Variants in PCLO observed in about 807,000 individuals in gnomAD.
The protein encoded by PCLO is protein piccolo.
In PCLO, 82 loss-of-function variants were observed where a neutral mutation model predicts 427.5. The observed-to-expected ratio is 0.19, with a 90% CI of 0.16 to 0.23. The LOEUF (loss-of-function observed/expected upper bound fraction) is 0.23. PCLO is among the 10% of genes least tolerant of loss of function. PCLO has a pLI of 1.00. For missense variants in PCLO, 6,239 were observed against 6,115.9 expected (o/e 1.02, Z -0.67); for synonymous variants, 2,357 against 2,155.4 (o/e 1.09, Z -2.59).
rs555153202 is a variant in PCLO at position 82,937,972 on chromosome 7, A to G, written c.11112+11504T>C. On this transcript the variant is annotated intron_variant, in intron 6 of 24. Transcript: ENST00000333891. ...TTTCCTAATGGGTATTTTGAGTTAC[A>G]GAGCCCAACCAACAAACTTATCTTC... Among the ~76,000 whole-genome samples, 3 of 152,016 alleles carry G rather than the reference A, an allele frequency of 2.0e-5. No individual in the cohort carries two copies. The East Asian group carries it at 5.8e-4, about 29-fold the overall frequency.
In PCLO at chr7:83,155,141, T is replaced by C. The variant is rs1319109779; in HGVS notation, c.1500A>G (p.Pro500=). 1 of 1,481,720 alleles carries C rather than the reference T, an allele frequency of 6.7e-7. No individual in the cohort carries two copies. The highest frequency in any genetic ancestry group is 2.0e-5 in the Admixed American group (1 of 50,236). 91.8% of individuals were successfully genotyped at this position (1,481,720 alleles called of 1,614,324 possible). ...PPQQPGSAKP[P]SQQPGSTKPP... The stretch of plus-strand genomic sequence containing the variant: ...GTTTTGTTGAGCCAGGCTGTTGAGA[T>C]GGGGGCTTTGCTGAGCCAGGCTGTT... The change falls in exon 2 of 25, where the codon CCA becomes CCG. Residue 500 remains proline (P), a synonymous_variant. Transcript: ENST00000333891.
chr7:83,145,926 C>T (rs1193487075), intron 2 of PCLO, among the ~76,000 whole-genome samples: 1 of 152,166 alleles, frequency 6.6e-6, no homozygotes, highest in Non-Finnish European at 1.5e-5. Flanking sequence ...TTTTCCAAAG[C>T]ACCATCTTAT....
chr7:82,975,894 T>A (rs1796006167), intron 3 of PCLO, among the ~76,000 whole-genome samples: 1 of 152,160 alleles, frequency 6.6e-6, no homozygotes, highest in Non-Finnish European at 1.5e-5. Context: ...AGGTACTAAA[T>A]TCTCCTTTGC....
rs1795535198 is a variant in PCLO at position 82,956,788 on chromosome 7, G to C, written c.4165C>G (p.Leu1389Val). The change falls in exon 5 of 25, where the codon CTC becomes GTC. Residue 1389 changes from leucine to valine, a missense_variant. Leu to Val is a conservative substitution (Grantham distance 32). This residue lies in a region of PCLO where 4,677 missense variants were observed against 4,468.4 expected (regional missense o/e 1.05). Coordinates refer to ENST00000333891, the MANE Select transcript of PCLO (RefSeq NM_033026.6). The part of the protein sequence containing the change: ...SLIPTDEKDI[L>V]KGLKKDSFSQ... ...AAAGAGTCCTTTTTGAGTCCCTTGA[G>C]AATATCCTTTTCATCAGTTGGAATA... 1 of 1,613,628 alleles carries C rather than the reference G, an allele frequency of 6.2e-7. No homozygotes were observed. Among genetic ancestry groups the C allele is most frequent in the Admixed American group, 1.7e-5 (1 of 59,976 alleles).
At chr7:83,060,690 C>T (rs959425885) in intron 3 of PCLO, among the ~76,000 whole-genome samples, 1 of 152,168 alleles carries the variant, frequency 6.6e-6, no homozygotes, top group Non-Finnish European at 1.5e-5. Flanking sequence ...ATAAAAGTCA[C>T]TGGTGGTGGT....
chr7:82,875,997 A>C (rs1793360181), intron 10 of PCLO, among the ~76,000 whole-genome samples: 1 of 152,074 alleles, frequency 6.6e-6, no homozygotes, highest in Non-Finnish European at 1.5e-5. Context: ...AATAAACTGT[A>C]AGATGATATT....
At chr7:82,823,534 G>A (rs996530094) in intron 19 of PCLO, among the ~76,000 whole-genome samples, 1 of 152,168 alleles carries the variant, frequency 6.6e-6, no homozygotes, top group African/African-American at 2.4e-5. Context: ...AGTTTATGAT[G>A]AGGATTAATG....
Position 82,801,598 on chromosome 7 carries a change from A to T in PCLO, c.14934-7T>A. On this transcript the variant is annotated splice_region_variant and splice_polypyrimidine_tract_variant and intron_variant, in intron 21 of 24. Transcript: ENST00000333891. The stretch of plus-strand genomic sequence containing the variant: ...ATTCTGTCCCATCTTCCCTCTGTTT[A>T]GAAATAAAATAAAATGATATATTCA... 6.5e-7 allele frequency: 1 copy of T among 1,540,328 alleles called. No homozygotes were observed. Among genetic ancestry groups the T allele is most frequent in the Non-Finnish European group, 9.0e-7 (1 of 1,114,134 alleles).
intron 16 of PCLO, 40 bp downstream of exon 16, chr7:82,835,627 A>G (rs371922143): frequency 1.5e-5 from 23 of 1,567,186 alleles, no homozygotes; most frequent in Non-Finnish European, 1.9e-5. Context: ...AATTCAAGAC[A>G]TAGCAGCAGA....
intron 6 of PCLO, among the ~76,000 whole-genome samples, chr7:82,933,612 G>A (rs934330473): frequency 1.9e-5 from 2 of 105,982 alleles, no homozygotes; most frequent in African/African-American, 3.5e-5. Flanking sequence ...ATGAAGAAAT[G>A]CTCCAGATAA....
At position 82,868,392 on chromosome 7, in the gene PCLO, C is replaced by T. The variant is rs138247457; in HGVS notation, c.13654+10945G>A. 3.1e-3 allele frequency among the ~76,000 whole-genome samples: 475 copies of T among 152,282 alleles called. 3 individuals carry two copies. Among genetic ancestry groups the T allele is most frequent in the African/African-American group, 0.011 (458 of 41,556 alleles). On this transcript the variant is annotated intron_variant, in intron 10 of 24. Coordinates refer to ENST00000333891, the MANE Select transcript of PCLO (RefSeq NM_033026.6). ...ATCAAAACCACCACTCCAAAAACAG[C>T]TAATTTCATCCTTACTTCAATCCCT...
intron 8 of PCLO, among the ~76,000 whole-genome samples, chr7:82,908,040 G>C (rs1288577446): frequency 2.0e-5 from 3 of 151,886 alleles, no homozygotes; most frequent in East Asian, 3.9e-4. Context: ...GATGATTAGG[G>C]GTTTATGTAA....
chr7:82,866,290 T>C (rs572942901), intron 10 of PCLO, among the ~76,000 whole-genome samples: 4 of 152,206 alleles, frequency 2.6e-5, no homozygotes, highest in South Asian at 2.1e-4. Flanking sequence ...CTCCTTGCTA[T>C]ATTTTTCTCC....
At chr7:83,025,711 T>C (rs1295613324) in intron 3 of PCLO, among the ~76,000 whole-genome samples, 12 of 151,866 alleles carry the variant, frequency 7.9e-5, no homozygotes, top group Admixed American at 2.6e-4. Context: ...AGAGAAAGGT[T>C]GGGTTACCCT....
Position 82,826,568 on chromosome 7 carries a change from GA to G in PCLO, c.14415+20del. ...TGGTTTACCATAGCAGCAAATAAGG[GA>G]AAGGAAGTCAGAGGCTTACCTCCCC... On this transcript the variant is annotated intron_variant, in intron 18 of 24. Coordinates refer to ENST00000333891, the MANE Select transcript of PCLO (RefSeq NM_033026.6). The G allele has an allele frequency of 1.3e-6, 2 of 1,527,742 alleles. No homozygotes were observed. Among genetic ancestry groups the G allele is most frequent in the Admixed American group, 1.7e-5 (1 of 58,462 alleles). The allele number at this position is 1,527,742 out of a possible 1,614,324, so 94.6% of individuals were successfully genotyped here.
chr7:82,952,573 T>C lies in PCLO; in HGVS notation c.8380A>G (p.Thr2794Ala), dbSNP rs574099286. 6.2e-7 allele frequency: 1 copy of C among 1,613,936 alleles called. No homozygotes were observed. The highest frequency in any genetic ancestry group is 8.5e-7 in the Non-Finnish European group (1 of 1,179,834). Residue 2794 changes from threonine (T) to alanine (A), a missense_variant, in exon 5 of 25, where the codon ACA becomes GCA. By Grantham distance (58) the Thr-to-Ala change is moderately conservative. Around this residue, in one of 5 missense-constraint regions of PCLO, gnomAD observed 4,677 missense variants for 4,468.4 expected, o/e 1.05. Coordinates refer to ENST00000333891, the MANE Select transcript of PCLO (RefSeq NM_033026.6). ...IVTPVSLATETVTFVTCTASA... is the reference protein window; with the variant it reads ...IVTPVSLATEAVTFVTCTASA... The stretch of plus-strand genomic sequence containing the variant: ...GCTGTGCATGTGACAAAGGTCACTG[T>C]CTCAGTGGCCAGAGATACAGGAGTC...
At chr7:82,924,892 A>C (rs1265240386) in intron 6 of PCLO, among the ~76,000 whole-genome samples, 1 of 152,124 alleles carries the variant, frequency 6.6e-6, no homozygotes, top group Admixed American at 6.6e-5. Context: ...CACAACAGAC[A>C]TTTACATACT....
intron 22 of PCLO, among the ~76,000 whole-genome samples, chr7:82,794,364 G>GT (rs925688257): frequency 1.5e-5 from 2 of 132,942 alleles, no homozygotes; most frequent in African/African-American, 2.7e-5. Context: ...TCACTTAATT[G>GT]TTTTTTAATA....
intron 3 of PCLO, among the ~76,000 whole-genome samples, chr7:83,065,971 C>T (rs1789661371): frequency 6.6e-6 from 1 of 152,030 alleles, no homozygotes; most frequent in South Asian, 2.1e-4. Flanking sequence ...ATCATCTTTC[C>T]TTAATTGTAT....
Sources: allele counts gnomAD v4.1 joint callset (sites outside exome capture counted in the v4.1 genomes callset), GRCh38; gene constraint gnomAD v4.1.1; regional missense constraint gnomAD v4.1.1; transcripts MANE v1.5; gene names NCBI Gene and HGNC (gene_info 2026-07-23, HGNC 2026-07-21).